CDH12: variants seen among roughly 807,000 people sequenced by gnomAD.
CDH12 encodes cadherin-12.
Under a neutral mutation model 74.1 loss-of-function variants are expected in CDH12, and 41 were observed. The observed-to-expected ratio is 0.55, with a 90% confidence interval of 0.43 to 0.72. The LOEUF is 0.72. CDH12 is among the 30% of genes least tolerant of loss of function. The probability of loss-of-function intolerance (pLI) is 0.00; values close to 1 mark genes in which losing one functional copy is unlikely to be tolerated. For missense variants in CDH12, 945 were observed against 977.2 expected (o/e 0.97, Z 0.44); for synonymous variants, 399 against 355.0 (o/e 1.12, Z -1.39).
rs1739498076 is a variant in CDH12 at position 22,040,443 on chromosome 5, A to G, written c.231+38003T>C. Among the ~76,000 whole-genome samples, 3 of 152,184 alleles carry G rather than the reference A, an allele frequency of 2.0e-5. No individual in the cohort carries two copies. The South Asian group carries it at 6.2e-4, about 32-fold the overall frequency. ...TGTGGGAAGACATATGGACATCCAGATATGTGAAGCTTGAAAGTCCCATAT... is the reference window on the plus strand; with the variant it reads ...TGTGGGAAGACATATGGACATCCAGGTATGTGAAGCTTGAAAGTCCCATAT... On this transcript the variant is annotated intron_variant, in intron 5 of 14. Transcript: ENST00000382254.
chr5:22,614,252 C>T (rs536278480), intron 1 of CDH12, among the ~76,000 whole-genome samples: 2 of 152,208 alleles, frequency 1.3e-5, no homozygotes, highest in South Asian at 4.1e-4. Flanking sequence ...TCAACACATC[C>T]TGCCTTCTGA....
chr5:22,578,302 G>T (rs1002729375), intron 1 of CDH12, among the ~76,000 whole-genome samples: 1 of 151,206 alleles, frequency 6.6e-6, no homozygotes, highest in Non-Finnish European at 1.5e-5. Flanking sequence ...TTCCAAAAGG[G>T]GTATAAAATT....
chr5:22,297,396 T>C (rs553603062), intron 3 of CDH12, among the ~76,000 whole-genome samples: 2 of 152,338 alleles, frequency 1.3e-5, no homozygotes, highest in South Asian at 4.1e-4. Flanking sequence ...ATTATGTGTA[T>C]TTCTAACTGA....
intron 3 of CDH12, among the ~76,000 whole-genome samples, chr5:22,229,332 C>G (rs1752305049): frequency 7.6e-6 from 1 of 131,484 alleles, no homozygotes; most frequent in African/African-American, 2.8e-5. Flanking sequence ...AGTACATATG[C>G]AATTTACTTT....
intron 1 of CDH12, among the ~76,000 whole-genome samples, chr5:22,794,351 GC>G (rs573479416): frequency 6.2e-4 from 94 of 152,278 alleles, no homozygotes; most frequent in African/African-American, 2.2e-3. Context: ...TTGAATGCCT[GC>G]CATACTCACA....
intron 9 of CDH12, among the ~76,000 whole-genome samples, chr5:21,814,992 T>C (rs972734439): frequency 6.6e-6 from 1 of 152,082 alleles, no homozygotes; most frequent in African/African-American, 2.4e-5. Context: ...AACTGTACTT[T>C]GCAAATTTAA....
chr5:22,361,217 G>A (rs907572230), intron 3 of CDH12, among the ~76,000 whole-genome samples: 1 of 152,128 alleles, frequency 6.6e-6, no homozygotes, highest in Non-Finnish European at 1.5e-5. Context: ...AGGCTGATAA[G>A]CAACTTCAGC....
chr5:22,123,869 A>T (rs2150278591), intron 4 of CDH12, among the ~76,000 whole-genome samples: 1 of 152,298 alleles, frequency 6.6e-6, no homozygotes, highest in African/African-American at 2.4e-5. Flanking sequence ...GCTTTCTTTT[A>T]TGCCAAAGTG....
chr5:22,733,711 C>T lies in CDH12; in HGVS notation c.-523+119347G>A, dbSNP rs542922489. Among the ~76,000 whole-genome samples, 409 of 151,954 alleles carry T rather than the reference C, an allele frequency of 2.7e-3. 4 individuals are homozygous for T. The highest frequency in any genetic ancestry group is 9.6e-3 in the African/African-American group (397 of 41,480). On this transcript the variant is annotated intron_variant, in intron 1 of 14. Coordinates refer to ENST00000382254, the MANE Select transcript of CDH12 (RefSeq NM_004061.5). ...AAAAGCACAAATGAAATAAAAATAT[C>T]GTTATAAGGTATTCTTGTTATTTAT...
chr5:22,483,565 G>A (rs575990372), intron 2 of CDH12, among the ~76,000 whole-genome samples: 3 of 150,496 alleles, frequency 2.0e-5, no homozygotes, highest in African/African-American at 7.3e-5. Flanking sequence ...TGACAAGGAG[G>A]TAGGCGAGTA....
chr5:21,817,604 A>C (rs945404012), intron 8 of CDH12, among the ~76,000 whole-genome samples: 7 of 152,052 alleles, frequency 4.6e-5, no homozygotes, highest in African/African-American at 1.7e-4. Context: ...TCCTAAAACT[A>C]ATGACTTCAA....
At chr5:22,670,155 G>A (rs1008111510) in intron 1 of CDH12, among the ~76,000 whole-genome samples, 12 of 152,036 alleles carry the variant, frequency 7.9e-5, no homozygotes, top group Admixed American at 4.6e-4. Context: ...TAATCAAGAT[G>A]TAGACCCAGC....
chr5:22,119,148 A>T (rs1745346090), intron 4 of CDH12, among the ~76,000 whole-genome samples: 2 of 152,152 alleles, frequency 1.3e-5, no homozygotes, highest in Non-Finnish European at 2.9e-5. Context: ...GAGTCAGGCA[A>T]ACACTAAACC....
intron 3 of CDH12, among the ~76,000 whole-genome samples, chr5:22,259,744 C>G (rs1300465192): frequency 6.7e-6 from 1 of 150,142 alleles, no homozygotes; most frequent in African/African-American, 2.4e-5. Context: ...TTTTTTTTTA[C>G]TAGCACCAAT....
intron 2 of CDH12, among the ~76,000 whole-genome samples, chr5:22,412,436 T>C (rs1351303726): frequency 6.6e-6 from 1 of 151,978 alleles, no homozygotes; most frequent in Non-Finnish European, 1.5e-5. Flanking sequence ...TCATTCTGAA[T>C]AGGGCTATAG....
chr5:22,314,470 G>C (rs923431941), intron 3 of CDH12, among the ~76,000 whole-genome samples: 1 of 152,176 alleles, frequency 6.6e-6, no homozygotes, highest in Admixed American at 6.5e-5. Flanking sequence ...GACACAGCAG[G>C]AAGGCAACCA....
intron 3 of CDH12, among the ~76,000 whole-genome samples, chr5:22,299,825 TA>T (rs1259178494): frequency 6.6e-6 from 1 of 152,162 alleles, no homozygotes; most frequent in African/African-American, 2.4e-5. Flanking sequence ...GATATTAGGT[TA>T]AAAAATGATT....
intron 5 of CDH12, among the ~76,000 whole-genome samples, chr5:21,988,491 C>CAAAAAAAAAA (rs1157872208): frequency 1.4e-4 from 4 of 29,498 alleles, no homozygotes; most frequent in African/African-American, 2.0e-4. Flanking sequence ...GACTCCGTCT[C>CAAAAAAAAAA]AAAAAAAAAA....
intron 3 of CDH12, among the ~76,000 whole-genome samples, chr5:22,241,234 C>A (rs1335887139): frequency 6.6e-6 from 1 of 151,822 alleles, no homozygotes; most frequent in Non-Finnish European, 1.5e-5. Context: ...CATATAAATA[C>A]ACTTTTTTTC....
Sources: allele counts gnomAD v4.1 joint callset (sites outside exome capture counted in the v4.1 genomes callset), GRCh38; gene constraint gnomAD v4.1.1; transcripts MANE v1.5; gene names NCBI Gene and HGNC (gene_info 2026-07-23, HGNC 2026-07-21).